The following PRPH2 variants were observed in gnomAD, a reference collection of about 807,000 sequenced individuals.
PRPH2 encodes the protein peripherin-2.
Under a neutral mutation model 31.3 loss-of-function variants are expected in PRPH2, and 17 were observed. The observed-to-expected ratio is 0.54, with a 90% confidence interval of 0.37 to 0.81. The LOEUF (loss-of-function observed/expected upper bound fraction) is 0.81, where lower values mean the gene tolerates loss of function less well. Among genes scored for constraint, PRPH2 ranks in the 40% least tolerant of loss-of-function variants. The pLI is 0.00. For synonymous variants in PRPH2, 165 were observed against 184.4 expected, an observed-to-expected ratio of 0.89 and a Z score of 0.85; for missense variants, 430 against 439.7, an observed-to-expected ratio of 0.98 and a Z score of 0.20.
In PRPH2 at chr6:42,697,099, T is replaced by C. The variant is rs1014036912; in HGVS notation, c.*1196A>G. The stretch of plus-strand genomic sequence containing the variant: ...AATGTTCATCCAACTGGAGGAATTA[T>C]GCTGGGCCCTGCCTTGGTCTGGTCA... On this transcript the variant is annotated 3_prime_UTR_variant, in exon 3 of 3. Coordinates refer to ENST00000230381, the MANE Select transcript of PRPH2 (RefSeq NM_000322.5). The C allele has an allele frequency of 5.9e-5, 9 of 152,130 alleles. No individual in the cohort carries two copies. Among genetic ancestry groups the C allele is most frequent in the African/African-American group, 2.2e-4 (9 of 41,420 alleles). 9.4% of individuals were successfully genotyped at this position (152,130 alleles called of 1,614,324 possible). A position where few individuals can be genotyped will look rare whatever the true frequency, so the allele number is the denominator to read the frequency against.
rs1249445149 is a variant in PRPH2 at position 42,696,722 on chromosome 6, G to A, written c.*1573C>T. 2.0e-5 allele frequency: 3 copies of A among 152,142 alleles called. No individual in the cohort carries two copies. Among genetic ancestry groups the A allele is most frequent in the Admixed American group, 6.5e-5 (1 of 15,282 alleles). 9.4% of individuals were successfully genotyped at this position (152,142 alleles called of 1,614,324 possible). A position where few individuals can be genotyped will look rare whatever the true frequency, so the allele number is the denominator to read the frequency against. Reference sequence around the variant, plus strand: ...TCTTGAGAGATAGCAAGAGCTCAGGGACCTTTGCCAAAGATGGCTGGCTCA... The same window carrying A: ...TCTTGAGAGATAGCAAGAGCTCAGGAACCTTTGCCAAAGATGGCTGGCTCA... On this transcript the variant is annotated 3_prime_UTR_variant, in exon 3 of 3. Transcript: ENST00000230381.
intron 1 of PRPH2, among the ~76,000 whole-genome samples, chr6:42,718,777 T>G (rs1393655616): frequency 1.3e-5 from 2 of 151,798 alleles, no homozygotes; most frequent in Admixed American, 1.3e-4. Context: ...CTCAGCCTCC[T>G]GAGTAGCTAG....
intron 1 of PRPH2, among the ~76,000 whole-genome samples, chr6:42,706,649 T>C (rs751156539): frequency 6.6e-6 from 1 of 151,826 alleles, no homozygotes; most frequent in East Asian, 1.9e-4. Flanking sequence ...CGTTACATAA[T>C]AGACTTTTAG....
At chr6:42,716,764 G>C (rs1186779244) in intron 1 of PRPH2, among the ~76,000 whole-genome samples, 2 of 150,818 alleles carry the variant, frequency 1.3e-5, no homozygotes, top group Non-Finnish European at 3.0e-5. Flanking sequence ...GGGATTATAG[G>C]TGTGTGCCAC....
intron 2 of PRPH2, among the ~76,000 whole-genome samples, chr6:42,698,910 G>A (rs964745418): frequency 9.9e-5 from 15 of 151,910 alleles, no homozygotes; most frequent in African/African-American, 3.4e-4. Flanking sequence ...CCCTCGGGTC[G>A]CCCCCATCCC....
At chr6:42,712,092 A>C (rs1401320632) in intron 1 of PRPH2, among the ~76,000 whole-genome samples, 1 of 152,212 alleles carries the variant, frequency 6.6e-6, no homozygotes, top group Non-Finnish European at 1.5e-5. Flanking sequence ...TTATGAGGAA[A>C]TACAGGGGAC....
intron 1 of PRPH2, among the ~76,000 whole-genome samples, chr6:42,707,785 G>A (rs772986719): frequency 5.0e-4 from 76 of 152,182 alleles, no homozygotes; most frequent in South Asian, 8.3e-4. Flanking sequence ...GTTTCCACAC[G>A]CCCTGTAATC....
intron 1 of PRPH2, among the ~76,000 whole-genome samples, chr6:42,705,262 T>C (rs975322668): frequency 6.6e-6 from 1 of 152,140 alleles, no homozygotes; most frequent in Non-Finnish European, 1.5e-5. Context: ...TTTTTGTGTG[T>C]ATTTGTTTAG....
intron 1 of PRPH2, among the ~76,000 whole-genome samples, chr6:42,710,337 A>T (rs367763680): frequency 6.6e-6 from 1 of 152,312 alleles, no homozygotes; most frequent in East Asian, 1.9e-4. Flanking sequence ...TTCCCAGTGT[A>T]TTCCCAGGGG....
At chr6:42,709,675 G>A (rs1562426659) in intron 1 of PRPH2, among the ~76,000 whole-genome samples, 1 of 152,162 alleles carries the variant, frequency 6.6e-6, no homozygotes, top group Non-Finnish European at 1.5e-5. Context: ...GGAGCAGCAG[G>A]ATGGGAGCCG....
chr6:42,705,104 T>C (rs1800129867), intron 1 of PRPH2, among the ~76,000 whole-genome samples: 1 of 152,118 alleles, frequency 6.6e-6, no homozygotes, highest in Non-Finnish European at 1.5e-5. Flanking sequence ...AGGCAGGGGA[T>C]GGAGACCCGA....
At chr6:42,706,510 C>A (rs1800167268) in intron 1 of PRPH2, among the ~76,000 whole-genome samples, 1 of 151,302 alleles carries the variant, frequency 6.6e-6, no homozygotes. Flanking sequence ...GAGGCTGAGG[C>A]ACGAGAATCA....
intron 1 of PRPH2, chr6:42,711,825 A>T (rs752700725): frequency 1.0e-6 from 1 of 985,334 alleles, no homozygotes; most frequent in South Asian, 4.7e-5. Context: ...TCTCCCTCAG[A>T]CTGGGGACCC....
chr6:42,711,710 C>G, intron 1 of PRPH2: 1 of 962,916 alleles, frequency 1.0e-6, no homozygotes. Flanking sequence ...AAGTTCTAAT[C>G]TTCTCCTTGA....
rs558116851 is a variant in PRPH2, at chr6:42,704,765, C to A, written c.582-154G>T. On this transcript the variant is annotated intron_variant, in intron 1 of 2. Transcript: ENST00000230381. ...CGCCCGCTACGTGCCAGTCACTGTT[C>A]TAGGCGCTGAAGACAAAAAAATGAA... Among the ~76,000 whole-genome samples the A allele has an allele frequency of 3.3e-5, 5 of 152,336 alleles. No homozygotes were observed. The East Asian group carries it at 9.6e-4, about 29-fold the overall frequency.
chr6:42,714,950 G>A (rs1761745854), intron 1 of PRPH2, among the ~76,000 whole-genome samples: 1 of 151,914 alleles, frequency 6.6e-6, no homozygotes, highest in Non-Finnish European at 1.5e-5. Flanking sequence ...AGTGGCTCAC[G>A]CCTATAATCC....
At chr6:42,716,365 G>C (rs1582775298) in intron 1 of PRPH2, among the ~76,000 whole-genome samples, 1 of 151,684 alleles carries the variant, frequency 6.6e-6, no homozygotes, top group East Asian at 1.9e-4. Flanking sequence ...TTCAAGACCA[G>C]CCTAAGCAAC....
In PRPH2 at chr6:42,722,083, G is replaced by T. The variant is rs139936445; in HGVS notation, c.252C>A (p.Asp84Glu). The T allele has an allele frequency of 1.9e-6, 3 of 1,614,174 alleles. No homozygotes were observed. Among genetic ancestry groups the T allele is most frequent in the Admixed American group, 3.3e-5 (2 of 60,014 alleles). Residue 84 changes from aspartate (D) to glutamate (E), a missense_variant, in exon 1 of 3, where the codon GAC becomes GAA. Transcript: ENST00000230381. The surrounding 1 kb of genome is among the most constrained non-coding windows in gnomAD (Gnocchi z 4.4). ...TGGCATACTTGGCTGGGTCCAGGGC[G>T]TCGTAGCAGATCTTCCCAGCCAGCG... ...FNSLAGKICY[D>E]ALDPAKYARW...
At chr6:42,720,169 A>G (rs1030721332) in intron 1 of PRPH2, among the ~76,000 whole-genome samples, 1 of 152,232 alleles carries the variant, frequency 6.6e-6, no homozygotes, top group African/African-American at 2.4e-5. Flanking sequence ...TCCATTGACC[A>G]TTGAGAGTGG....
Sources: allele counts gnomAD v4.1 joint callset (sites outside exome capture counted in the v4.1 genomes callset), GRCh38; gene constraint gnomAD v4.1.1; non-coding constraint Gnocchi (gnomAD v3.1); transcripts MANE v1.5; gene names NCBI Gene and HGNC (gene_info 2026-07-23, HGNC 2026-07-21).